RBM26: variants seen among roughly 807,000 people sequenced by gnomAD.
The protein encoded by RBM26 is RNA binding motif protein 26.
A neutral mutation model predicts 123.6 loss-of-function variants in RBM26; 30 were observed. The ratio of observed to expected loss-of-function variants is 0.24; its 90% CI spans 0.18 to 0.33. RBM26 has a LOEUF of 0.33. RBM26 is among the 10% of genes least tolerant of loss of function. The pLI, the probability that RBM26 is intolerant of heterozygous loss-of-function variation, is 1.00. For missense variants in RBM26, 947 were observed against 1,203.6 expected, an observed-to-expected ratio of 0.79 and a Z score of 3.15; for synonymous variants, 400 against 404.4, an observed-to-expected ratio of 0.99 and a Z score of 0.13.
chr13:79,390,565 T>G (rs1477947383), intron 1 of RBM26, among the ~76,000 whole-genome samples: 1 of 152,202 alleles, frequency 6.6e-6, no homozygotes, highest in African/African-American at 2.4e-5. Context: ...ACTTAAGATC[T>G]GTGCACTTGA....
At position 79,371,043 on chromosome 13, in the gene RBM26, T is replaced by C. The variant is rs775804914; in HGVS notation, c.536A>G (p.Tyr179Cys). 2.5e-6 allele frequency: 4 copies of C among 1,613,686 alleles called. No individual in the cohort carries two copies. Among genetic ancestry groups the C allele is most frequent in the Non-Finnish European group, 3.4e-6 (4 of 1,179,564 alleles). ...YNRRRGRSRS[Y>C]SRSRSRSWSK... ...CCAACTTCGACTTCGACTCCTGCTA[T>C]AACTGCGACTCCGCCCTCGTCTTCT... Residue 179 changes from tyrosine to cysteine, a missense_variant, in exon 5 of 22, where the codon TAT becomes TGT. Tyr to Cys is a radical substitution (Grantham distance 194). Coordinates refer to ENST00000438737, the MANE Select transcript of RBM26 (RefSeq NM_001366735.2).
intron 14 of RBM26, among the ~76,000 whole-genome samples, chr13:79,349,703 CT>C (rs796198346): frequency 1.3e-3 from 181 of 143,496 alleles, no homozygotes; most frequent in Admixed American, 1.7e-3. Flanking sequence ...AAATCCCACT[CT>C]TTTTTTTTTT....
In RBM26 at chr13:79,334,157, T is replaced by C. The variant is rs186170930; in HGVS notation, c.2820+187A>G. On this transcript the variant is annotated intron_variant, in intron 20 of 21. Coordinates refer to ENST00000438737, the MANE Select transcript of RBM26 (RefSeq NM_001366735.2). Reference sequence around the variant, plus strand: ...CTAAATATGTATTTTAATTGTATTATGTTACACACAGAATTGCTTATAACT... The same window carrying C: ...CTAAATATGTATTTTAATTGTATTACGTTACACACAGAATTGCTTATAACT... Among the ~76,000 whole-genome samples the C allele has an allele frequency of 2.0e-4, 30 of 152,332 alleles. No individual in the cohort carries two copies. The East Asian group carries it at 2.1e-3, about 11-fold the overall frequency.
At chr13:79,325,015 T>G (rs979786512) in intron 20 of RBM26, among the ~76,000 whole-genome samples, 1 of 151,990 alleles carries the variant, frequency 6.6e-6, no homozygotes, top group African/African-American at 2.4e-5. Flanking sequence ...CCCCTAAGAT[T>G]TTAATAAACC....
intron 2 of RBM26, 57 bp from the exon 3 acceptor site, chr13:79,377,572 G>A (rs540152141): frequency 2.5e-5 from 32 of 1,285,072 alleles, no homozygotes; most frequent in Admixed American, 5.8e-5. Flanking sequence ...TTAATTCCCC[G>A]CTTCCACATC....
chr13:79,322,860 T>A (rs991473535), intron 20 of RBM26, among the ~76,000 whole-genome samples: 3 of 151,478 alleles, frequency 2.0e-5, no homozygotes, highest in Admixed American at 6.6e-5. Flanking sequence ...TGAATCAATG[T>A]CTAAATTAGG....
downstream of RBM26, among the ~76,000 whole-genome samples, chr13:79,318,173 A>G (rs1321391918): frequency 6.6e-6 from 1 of 151,476 alleles, no homozygotes; most frequent in Non-Finnish European, 1.5e-5. Context: ...CTTTGAGGCA[A>G]GAACTACCAT....
chr13:79,384,244 G>A (rs893658217), intron 1 of RBM26, among the ~76,000 whole-genome samples: 6 of 133,954 alleles, frequency 4.5e-5, no homozygotes, highest in African/African-American at 1.6e-4. Context: ...AGCTAATAAA[G>A]TTTTTTTTTT....
rs1020390699 is a variant in RBM26, at chr13:79,344,279, T to G, written c.2228A>C (p.Glu743Ala). 4.3e-6 allele frequency: 7 copies of G among 1,611,374 alleles called. No homozygotes were observed. Among genetic ancestry groups the G allele is most frequent in the African/African-American group, 1.3e-5 (1 of 74,870 alleles). The change falls in exon 16 of 22, where the codon GAA (glutamate) becomes GCA (alanine). Residue 743 changes from glutamate (E) to alanine (A), a missense_variant. This residue lies in a region of RBM26 where 493 missense variants were observed against 563.1 expected (regional missense o/e 0.88). Transcript: ENST00000438737. ...LQQDVRKRKQ[E>A]ILEKHIETQK... Reference sequence around the variant, plus strand: ...TGTTTCAATGTGCTTTTCTAAAATTTCTTGTTTCCTTTTCCTTACATCCTG... The same window carrying G: ...TGTTTCAATGTGCTTTTCTAAAATTGCTTGTTTCCTTTTCCTTACATCCTG...
rs554438812 is a variant in RBM26 at position 79,331,717 on chromosome 13, A to C, written c.2820+2627T>G. ...TCTGATTCTTCTAAAACAGCAACTTAATTATTCCTATTCTGAACAGGATCT... is the reference window on the plus strand; with the variant it reads ...TCTGATTCTTCTAAAACAGCAACTTCATTATTCCTATTCTGAACAGGATCT... On this transcript the variant is annotated intron_variant, in intron 20 of 21. Transcript: ENST00000438737. Among the ~76,000 whole-genome samples the C allele has an allele frequency of 5.3e-5, 8 of 152,294 alleles. No individual in the cohort carries two copies. The South Asian group carries it at 6.2e-4, about 12-fold the overall frequency.
rs138137620 is a variant in RBM26, at chr13:79,338,166, C to T, written c.2533-864G>A. 1.7e-4 allele frequency among the ~76,000 whole-genome samples: 26 copies of T among 152,248 alleles called. No homozygotes were observed. In the East Asian group the frequency reaches 4.1e-3, roughly 24 times the overall value. ...GGCAGAGGTTGCAGCGAGCCGAGAT[C>T]GCGCCACTACACTCCAGCCTGGGCG... On this transcript the variant is annotated intron_variant, in intron 18 of 21. Transcript: ENST00000438737.
intron 4 of RBM26, 102 bp from the exon 5 acceptor site, chr13:79,371,264 T>C: frequency 2.2e-6 from 2 of 918,458 alleles, no homozygotes. Flanking sequence ...AACTTAACTT[T>C]CTATCCTACC....
intron 1 of RBM26, among the ~76,000 whole-genome samples, chr13:79,395,463 C>T (rs1385489029): frequency 6.6e-6 from 1 of 152,052 alleles, no homozygotes; most frequent in African/African-American, 2.4e-5. Context: ...AACTTGAAAA[C>T]AGGAAGAGGT....
intron 1 of RBM26, among the ~76,000 whole-genome samples, chr13:79,388,048 T>C (rs914431327): frequency 2.0e-5 from 3 of 152,206 alleles, no homozygotes; most frequent in African/African-American, 7.2e-5. Context: ...ATTCAGGCAT[T>C]TCACAACTCA....
chr13:79,372,524 C>T (rs188042068), intron 3 of RBM26, among the ~76,000 whole-genome samples: 14 of 151,000 alleles, frequency 9.3e-5, no homozygotes, highest in Admixed American at 9.3e-4. Context: ...CAAGTATGCT[C>T]ATTTAACATA....
chr13:79,349,768 C>T (rs1160704305), intron 14 of RBM26, among the ~76,000 whole-genome samples: 10 of 151,086 alleles, frequency 6.6e-5, no homozygotes, highest in Non-Finnish European at 7.4e-5. Context: ...GGCGCCATCT[C>T]GGCTCATTGC....
chr13:79,338,671 T>C (rs1291704432), intron 18 of RBM26, among the ~76,000 whole-genome samples: 1 of 151,890 alleles, frequency 6.6e-6, no homozygotes, highest in Non-Finnish European at 1.5e-5. Flanking sequence ...AGTAAAAGAG[T>C]GATGTAACCA....
intron 12 of RBM26, 98 bp downstream of exon 12, chr13:79,355,122 G>T: frequency 9.2e-7 from 1 of 1,086,756 alleles, no homozygotes; most frequent in Non-Finnish European, 1.4e-6. Flanking sequence ...ACCAGGGTAT[G>T]AACTCAGGCC....
chr13:79,373,727 TA>T (rs1200728245), intron 3 of RBM26, among the ~76,000 whole-genome samples: 7 of 54,402 alleles, frequency 1.3e-4, no homozygotes, highest in African/African-American at 3.0e-4. Context: ...CTATATATAA[TA>T]ATATATAATA....
Sources: allele counts gnomAD v4.1 joint callset (sites outside exome capture counted in the v4.1 genomes callset), GRCh38; gene constraint gnomAD v4.1.1; regional missense constraint gnomAD v4.1.1; transcripts MANE v1.5; gene names NCBI Gene and HGNC (gene_info 2026-07-23, HGNC 2026-07-21).